Variants in RASAL2 observed in about 807,000 individuals in gnomAD.
RASAL2 encodes the protein RAS protein activator like 2, also known as ras GTPase-activating protein nGAP.
A neutral mutation model predicts 128.9 loss-of-function variants in RASAL2; 58 were observed. The ratio of observed to expected loss-of-function variants is 0.45; its 90% CI spans 0.36 to 0.56. The LOEUF is 0.56. Ranked by LOEUF, RASAL2 falls within the 20% of genes least tolerant of loss-of-function variation. The probability of loss-of-function intolerance (pLI) is 0.00; values close to 1 mark genes in which losing one functional copy is unlikely to be tolerated. For missense variants in RASAL2, 1,360 were observed against 1,601.6 expected (o/e 0.85, Z 2.57); for synonymous variants, 561 against 580.8 (o/e 0.97, Z 0.49).
At chr1:178,132,807 C>A (rs1280027010) in intron 1 of RASAL2, among the ~76,000 whole-genome samples, 1 of 139,418 alleles carries the variant, frequency 7.2e-6, no homozygotes, top group Non-Finnish European at 1.5e-5. Flanking sequence ...CTTGCTCTGT[C>A]ACCCAGGTTG....
chr1:178,098,389 T>C (rs1336482453), intron 1 of RASAL2, among the ~76,000 whole-genome samples: 1 of 152,220 alleles, frequency 6.6e-6, no homozygotes, highest in African/African-American at 2.4e-5. Flanking sequence ...CAGATATTTA[T>C]AGCCTCAAAG....
rs918129157 is a variant in RASAL2, at chr1:178,402,213, C to T, written c.564+12007C>T. Among the ~76,000 whole-genome samples, 13 of 152,114 alleles carry T rather than the reference C, an allele frequency of 8.5e-5. No individual in the cohort carries two copies. In the East Asian group the frequency reaches 1.4e-3, roughly 16 times the overall value. ...GGCAGATCACTTGAGGTCAGAAGTT[C>T]GAGACCAGCCTAGCCAACATGTTGA... On this transcript the variant is annotated intron_variant, in intron 4 of 17. Coordinates refer to ENST00000367649, the MANE Select transcript of RASAL2 (RefSeq NM_170692.4).
At chr1:178,401,676 T>C (rs534666403) in intron 4 of RASAL2, among the ~76,000 whole-genome samples, 91 of 152,036 alleles carry the variant, frequency 6.0e-4, no homozygotes, top group Non-Finnish European at 1.0e-3. Flanking sequence ...TAATAATAAA[T>C]AAATTAAAGG....
At chr1:178,303,019 A>G (rs1023918766) in intron 3 of RASAL2, among the ~76,000 whole-genome samples, 7 of 152,210 alleles carry the variant, frequency 4.6e-5, no homozygotes, top group African/African-American at 1.4e-4. Flanking sequence ...TCCATCTCAA[A>G]AAAAAACAAA....
At chr1:178,156,768 A>G (rs1468669643) in intron 1 of RASAL2, among the ~76,000 whole-genome samples, 1 of 152,166 alleles carries the variant, frequency 6.6e-6, no homozygotes, top group Non-Finnish European at 1.5e-5. Context: ...TTTTTTAAAA[A>G]ACACAGCGAT....
intron 1 of RASAL2, among the ~76,000 whole-genome samples, chr1:178,204,570 C>G (rs1403628885): frequency 2.6e-5 from 4 of 152,164 alleles, no homozygotes; most frequent in Non-Finnish European, 5.9e-5. Context: ...AAACTACTTG[C>G]TGATGTTGAT....
chr1:178,124,533 T>C (rs528181163), intron 1 of RASAL2, among the ~76,000 whole-genome samples: 35 of 152,340 alleles, frequency 2.3e-4, no homozygotes, highest in African/African-American at 8.4e-4. Context: ...GATAAGAGTT[T>C]AGTGGACGGG....
At chr1:178,406,537 A>C (rs1674012305) in intron 4 of RASAL2, among the ~76,000 whole-genome samples, 1 of 152,206 alleles carries the variant, frequency 6.6e-6, no homozygotes, top group Non-Finnish European at 1.5e-5. Flanking sequence ...CAAGCTGTAC[A>C]TTGAAAAATA....
intron 1 of RASAL2, among the ~76,000 whole-genome samples, chr1:178,162,085 C>G (rs889880171): frequency 1.3e-5 from 2 of 150,236 alleles, no homozygotes; most frequent in Non-Finnish European, 3.0e-5. Flanking sequence ...CTGCCTCAGC[C>G]TCCTGAGTAG....
intron 2 of RASAL2, among the ~76,000 whole-genome samples, chr1:178,297,127 A>G (rs868375664): frequency 3.9e-5 from 6 of 152,306 alleles, no homozygotes; most frequent in Middle Eastern, 6.8e-3. Flanking sequence ...AGTATAAACA[A>G]GTAAATATGA....
intron 4 of RASAL2, among the ~76,000 whole-genome samples, chr1:178,396,336 A>G (rs1442457758): frequency 1.3e-5 from 2 of 152,086 alleles, no homozygotes; most frequent in Non-Finnish European, 2.9e-5. Context: ...TTTCCTCTCA[A>G]AGCAAAGATA....
rs183079497 is a variant in RASAL2 at position 178,477,372 on chromosome 1, A to C, written c.*4133A>C. ...GAATTTTTAAATAGAATCTCTTTTC[A>C]TGTTTGAATGATTGTTATTAGTTCT... On this transcript the variant is annotated 3_prime_UTR_variant, in exon 18 of 18. Transcript: ENST00000367649. 137 of 152,316 alleles carry C rather than the reference A, an allele frequency of 9.0e-4. 1 individual carries two copies. Among genetic ancestry groups the C allele is most frequent in the African/African-American group, 3.2e-3 (132 of 41,574 alleles). 9.4% of individuals were successfully genotyped at this position (152,316 alleles called of 1,614,324 possible).
At chr1:178,449,612 G>A (rs1012974276) in intron 9 of RASAL2, among the ~76,000 whole-genome samples, 1 of 151,770 alleles carries the variant, frequency 6.6e-6, no homozygotes, top group African/African-American at 2.4e-5. Context: ...TTTAATCTGT[G>A]TTGGTAATTA....
At chr1:178,163,473 G>C (rs12047117) in intron 1 of RASAL2, among the ~76,000 whole-genome samples, 1 of 152,016 alleles carries the variant, frequency 6.6e-6, no homozygotes, top group Non-Finnish European at 1.5e-5. Flanking sequence ...TGATGAGTCA[G>C]TTTTTGTATA....
At chr1:178,321,942 C>T (rs906061293) in intron 3 of RASAL2, among the ~76,000 whole-genome samples, 10 of 151,366 alleles carry the variant, frequency 6.6e-5, no homozygotes, top group Non-Finnish European at 1.3e-4. Flanking sequence ...GAGCCGAGAT[C>T]GCGCCATTGC....
chr1:178,097,318 T>A (rs1658729395), intron 1 of RASAL2, among the ~76,000 whole-genome samples: 2 of 152,210 alleles, frequency 1.3e-5, no homozygotes, highest in African/African-American at 4.8e-5. Context: ...TTTAAAGTTG[T>A]CTGATTCTGT....
intron 1 of RASAL2, among the ~76,000 whole-genome samples, chr1:178,259,123 T>C (rs518201): frequency 6.7e-4 from 5 of 7,424 alleles, no homozygotes; most frequent in Non-Finnish European, 1.7e-3. Flanking sequence ...ATGAAACTTC[T>C]TTTTTTTTTT....
chr1:178,294,757 C>A (rs138294320), intron 2 of RASAL2, among the ~76,000 whole-genome samples: 1 of 152,304 alleles, frequency 6.6e-6, no homozygotes, highest in Non-Finnish European at 1.5e-5. Context: ...GTGCTGTAAT[C>A]TGGAGGCCAG....
At chr1:178,340,464 C>T (rs1228530299) in intron 3 of RASAL2, among the ~76,000 whole-genome samples, 2 of 151,562 alleles carry the variant, frequency 1.3e-5, no homozygotes, top group East Asian at 1.9e-4. Context: ...AGAAAAAAAC[C>T]CTAGAAATAT....
Sources: gnomAD v4.1 joint callset for allele counts (sites outside exome capture counted in the v4.1 genomes callset) on GRCh38, gnomAD v4.1.1 for gene constraint, MANE v1.5 for transcripts, NCBI Gene and HGNC (gene_info 2026-07-23, HGNC 2026-07-21) for gene names.